The following PSME2 variants were observed in gnomAD, a reference collection of about 807,000 sequenced individuals.
PSME2 encodes the protein proteasome activator complex subunit 2.
In PSME2, 20 loss-of-function variants were observed where a neutral mutation model predicts 38.8. The ratio of observed to expected loss-of-function variants is 0.52; its 90% CI spans 0.36 to 0.75. PSME2 has a LOEUF of 0.75. PSME2 is among the 30% of genes least tolerant of loss of function. The probability of loss-of-function intolerance (pLI) is 0.00; values close to 1 mark genes in which losing one functional copy is unlikely to be tolerated. For missense variants in PSME2, 227 were observed against 287.6 expected (o/e 0.79, Z 1.52); for synonymous variants, 82 against 102.5 (o/e 0.80, Z 1.21).
Position 24,143,826 on chromosome 14 carries a change from T to G in PSME2, c.552+149A>C. Reference sequence around the variant, plus strand: ...GACTGAGCAGAGAAAAGGGTCAAGGTTGTTGAAGCCCAAACCAGTTTTTCT... The same window carrying G: ...GACTGAGCAGAGAAAAGGGTCAAGGGTGTTGAAGCCCAAACCAGTTTTTCT... On this transcript the variant is annotated intron_variant, in intron 9 of 10. Coordinates refer to ENST00000216802, the MANE Select transcript of PSME2 (RefSeq NM_002818.3). The surrounding 1 kb of genome is among the most constrained non-coding windows in gnomAD (Gnocchi z 4.4). 3 of 1,285,596 alleles carry G rather than the reference T, an allele frequency of 2.3e-6. No individual in the cohort carries two copies. The highest frequency in any genetic ancestry group is 3.3e-6 in the Non-Finnish European group (3 of 901,664). 79.6% of individuals were successfully genotyped at this position (1,285,596 alleles called of 1,614,324 possible).
Position 24,145,233 on chromosome 14 carries a change from T to C in PSME2, c.262+10A>G, listed in dbSNP as rs368495050. On this transcript the variant is annotated intron_variant, in intron 5 of 10. Transcript: ENST00000216802. The stretch of plus-strand genomic sequence containing the variant: ...TCACCCCTTCCCTAGTCACCTCTTA[T>C]CTCTCTTACCTTCTTTCTTCTCCTG... 38 of 1,613,844 alleles carry C rather than the reference T, an allele frequency of 2.4e-5. No individual in the cohort carries two copies. The highest frequency in any genetic ancestry group is 3.1e-5 in the Non-Finnish European group (36 of 1,179,836).
chr14:24,145,237 T>A lies in PSME2; in HGVS notation c.262+6A>T, dbSNP rs1036195966. The A allele has an allele frequency of 1.2e-6, 2 of 1,613,878 alleles. No individual in the cohort carries two copies. The highest frequency in any genetic ancestry group is 8.5e-7 in the Non-Finnish European group (1 of 1,179,798). On this transcript the variant is annotated splice_donor_region_variant and intron_variant, in intron 5 of 10. Transcript: ENST00000216802. ...CCCTTCCCTAGTCACCTCTTATCTC[T>A]CTTACCTTCTTTCTTCTCCTGCTTA...
chr14:24,143,979 T>A lies in PSME2; in HGVS notation c.548A>T (p.His183Leu). The change falls in exon 9 of 11, where the codon CAT (histidine) becomes CTT (leucine). Residue 183 changes from histidine to leucine, a missense_variant. His to Leu is a moderately conservative substitution (Grantham distance 99). This residue lies in a region of PSME2 where 99 missense variants were observed against 113.9 expected (regional missense o/e 0.87). Coordinates refer to ENST00000216802, the MANE Select transcript of PSME2 (RefSeq NM_002818.3). This position sits in a 1 kb window ranked among gnomAD's most constrained non-coding sequence, Gnocchi z 4.4. ...GCTGGTGGACTATCCACTCACTACA[T>A]GAGTCTCCTTGGAGGCCTTGGCCAC... ...DAVAKASKET[H>L]VMDYRALVHE... The A allele has an allele frequency of 6.2e-7, 1 of 1,613,996 alleles. No homozygotes were observed. The highest frequency in any genetic ancestry group is 8.5e-7 in the Non-Finnish European group (1 of 1,179,908).
rs2038112430 is a variant in PSME2, at chr14:24,143,844, G to C, written c.552+131C>G. 1 of 1,352,458 alleles carries C rather than the reference G, an allele frequency of 7.4e-7. No individual in the cohort carries two copies. Among genetic ancestry groups the C allele is most frequent in the African/African-American group, 1.4e-5 (1 of 69,242 alleles). 83.8% of individuals were successfully genotyped at this position (1,352,458 alleles called of 1,614,324 possible). ...GTCAAGGTTGTTGAAGCCCAAACCA[G>C]TTTTTCTAGGTAATGCTTTTAGCTT... On this transcript the variant is annotated intron_variant, in intron 9 of 10. Transcript: ENST00000216802. This position sits in a 1 kb window ranked among gnomAD's most constrained non-coding sequence, Gnocchi z 4.4.
At chr14:24,144,094 C>T in intron 8 of PSME2, 65 bp from the exon 9 acceptor site, 3 of 1,610,158 alleles carry the variant, frequency 1.9e-6, no homozygotes, top group Non-Finnish European at 2.5e-6. Flanking sequence ...TCAGACCCTT[C>T]CCAAAGTCTC....
At position 24,145,728 on chromosome 14, in the gene PSME2, GTA is replaced by G; in HGVS notation, c.124_125del (p.Tyr42ProfsTer14). Reference protein sequence around the residue: ...LYRFLPQKIIYLNQLLQEDSL... With the variant: ...LYRFLPQKIIXLNQLLQEDSL... The stretch of plus-strand genomic sequence containing the variant: ...TACTCACTTGCAAGAGCTGATTCAG[GTA>G]TATGATTTTCTGTGGCAAGAATCTG... On this transcript the variant is annotated frameshift_variant, in exon 3 of 11. Transcript: ENST00000216802. LOFTEE classifies it high-confidence loss of function. 1 of 1,613,998 alleles carries G rather than the reference GTA, an allele frequency of 6.2e-7. No homozygotes were observed. Among genetic ancestry groups the G allele is most frequent in the South Asian group, 1.1e-5 (1 of 91,078 alleles).
Position 24,143,675 on chromosome 14 carries a change from C to T in PSME2, c.553-4G>A. On this transcript the variant is annotated splice_polypyrimidine_tract_variant and splice_region_variant and intron_variant, in intron 9 of 10. Transcript: ENST00000216802. The surrounding 1 kb of genome is among the most constrained non-coding windows in gnomAD (Gnocchi z 4.4). Reference sequence around the variant, plus strand: ...GCACCAAGGCCCGGTAATCCATCTGCAATGTGGGAGGCAAAGCTGAGTCAG... The same window carrying T: ...GCACCAAGGCCCGGTAATCCATCTGTAATGTGGGAGGCAAAGCTGAGTCAG... 6.2e-7 allele frequency: 1 copy of T among 1,614,038 alleles called. No homozygotes were observed. Among genetic ancestry groups the T allele is most frequent in the Non-Finnish European group, 8.5e-7 (1 of 1,180,016 alleles).
intron 7 of PSME2, 64 bp from the exon 8 acceptor site, chr14:24,144,323 T>C: frequency 1.2e-6 from 2 of 1,609,756 alleles, no homozygotes; most frequent in South Asian, 2.2e-5. Context: ...ACTATCTTCC[T>C]CCTCCTCCTG....
intron 1 of PSME2, 107 bp from the exon 2 acceptor site, chr14:24,146,347 A>G (rs2038156168): frequency 1.3e-6 from 2 of 1,492,510 alleles, no homozygotes; most frequent in South Asian, 1.1e-5. Context: ...TCTCACCACA[A>G]ACTAGCTTTC....
Position 24,143,965 on chromosome 14 carries a change from A to T in PSME2, c.552+10T>A. 1 of 1,613,610 alleles carries T rather than the reference A, an allele frequency of 6.2e-7. No individual in the cohort carries two copies. Among genetic ancestry groups the T allele is most frequent in the Non-Finnish European group, 8.5e-7 (1 of 1,179,576 alleles). The stretch of plus-strand genomic sequence containing the variant: ...CACCCAGCTAAAAGGCTGGTGGACT[A>T]TCCACTCACTACATGAGTCTCCTTG... On this transcript the variant is annotated intron_variant, in intron 9 of 10. Transcript: ENST00000216802. The surrounding 1 kb of genome is among the most constrained non-coding windows in gnomAD (Gnocchi z 4.4).
chr14:24,145,943 G>A (rs1714062940), intron 2 of PSME2, 171 bp from the exon 3 acceptor site: 6 of 839,824 alleles, frequency 7.1e-6, no homozygotes, highest in Non-Finnish European at 9.8e-6. Flanking sequence ...CAGAACGAAG[G>A]TTAGGACTGT....
intron 8 of PSME2, 58 bp downstream of exon 8, chr14:24,144,134 G>C: frequency 6.2e-7 from 1 of 1,611,948 alleles, no homozygotes; most frequent in Non-Finnish European, 8.5e-7. Flanking sequence ...GCCCAGCTCT[G>C]GGGGTCCCAA....
rs771355017 is a variant in PSME2, at chr14:24,145,194, T to C, written c.263-39A>G. On this transcript the variant is annotated intron_variant, in intron 5 of 10. Transcript: ENST00000216802. ...GGGATTCAGGCCCTTTCTCATCCAG[T>C]AGTCAGTGTGCCATCACCCCTTCCC... 94 of 1,611,814 alleles carry C rather than the reference T, an allele frequency of 5.8e-5. 1 individual carries two copies. Among genetic ancestry groups the C allele is most frequent in the Non-Finnish European group, 7.9e-5 (93 of 1,178,024 alleles).
rs530206621 is a variant in PSME2 at position 24,144,891 on chromosome 14, G to A, written c.360+167C>T. 5.2e-5 allele frequency: 37 copies of A among 708,446 alleles called. No individual in the cohort carries two copies. The South Asian group carries it at 6.0e-4, about 12-fold the overall frequency. The allele number at this position is 708,446 out of a possible 1,614,324, so 43.9% of individuals were successfully genotyped here. On this transcript the variant is annotated intron_variant, in intron 6 of 10. Transcript: ENST00000216802. ...TTTTGGGGGTACCGTTGTGATAAGAGAGGTCTAACAGAACGAGGAGAACAA... is the reference window on the plus strand; with the variant it reads ...TTTTGGGGGTACCGTTGTGATAAGAAAGGTCTAACAGAACGAGGAGAACAA...
At chr14:24,144,538 C>CTA in intron 6 of PSME2, 70 bp from the exon 7 acceptor site, 2 of 1,466,956 alleles carry the variant, frequency 1.4e-6, no homozygotes, top group Admixed American at 3.4e-5. Flanking sequence ...CTGTCACTTC[C>CTA]TAAAAAAAGT....
At position 24,146,253 on chromosome 14, in the gene PSME2, C is replaced by T. The variant is rs2038154432; in HGVS notation, c.49-13G>A. 6.2e-7 allele frequency: 1 copy of T among 1,613,530 alleles called. No homozygotes were observed. Among genetic ancestry groups the T allele is most frequent in the South Asian group, 1.1e-5 (1 of 91,066 alleles). On this transcript the variant is annotated splice_polypyrimidine_tract_variant and intron_variant, in intron 1 of 10. Transcript: ENST00000216802. ...TGAAGACCTCCACCTACACAGAGAG[C>T]AGTACCCGGATGTTGGTTAAGGGTC... is the stretch of plus-strand genomic sequence containing the variant.
intron 2 of PSME2, 178 bp downstream of exon 2, chr14:24,146,030 C>G: frequency 1.2e-6 from 1 of 860,606 alleles, no homozygotes; most frequent in Non-Finnish European, 1.9e-6. Flanking sequence ...TCGGGAGAGT[C>G]ATAAGAAAGG....
At chr14:24,146,173 A>C in intron 2 of PSME2, 35 bp downstream of exon 2, 1 of 1,608,882 alleles carries the variant, frequency 6.2e-7, no homozygotes, top group Non-Finnish European at 8.5e-7. Context: ...TTGGTCCAAG[A>C]TTCTGGGTCA....
In PSME2 at chr14:24,146,234, C is replaced by A; in HGVS notation, c.55G>T (p.Val19Phe). Reference sequence around the variant, plus strand: ...TCCTGGAAAAGATTCTGTCTGAAGACCTCCACCTACACAGAGAGCAGTACC... The same window carrying A: ...TCCTGGAAAAGATTCTGTCTGAAGAACTCCACCTACACAGAGAGCAGTACC... Reference protein sequence around the residue: ...LSGEARKQVEVFRQNLFQEAE... With the variant: ...LSGEARKQVEFFRQNLFQEAE... The change falls in exon 2 of 11, where the codon GTC (valine) becomes TTC (phenylalanine). Residue 19 changes from valine to phenylalanine, a missense_variant. Val to Phe is a conservative substitution (Grantham distance 50). Coordinates refer to ENST00000216802, the MANE Select transcript of PSME2 (RefSeq NM_002818.3). The A allele has an allele frequency of 6.2e-7, 1 of 1,613,804 alleles. No individual in the cohort carries two copies. The highest frequency in any genetic ancestry group is 8.5e-7 in the Non-Finnish European group (1 of 1,179,754).
Sources: allele counts gnomAD v4.1 joint callset, GRCh38; gene constraint gnomAD v4.1.1; regional missense constraint gnomAD v4.1.1; non-coding constraint Gnocchi (gnomAD v3.1); transcripts MANE v1.5; gene names NCBI Gene and HGNC (gene_info 2026-07-23, HGNC 2026-07-21).